Variants in MYOM1 observed in about 807,000 individuals in gnomAD.
MYOM1 encodes myomesin-1.
Under a neutral mutation model 205.3 loss-of-function variants are expected in MYOM1, and 164 were observed. That is an observed-to-expected ratio of 0.80 (90% CI 0.70 to 0.91). The LOEUF is 0.91. MYOM1 is among the 40% of genes least tolerant of loss of function. The pLI, the probability that MYOM1 is intolerant of heterozygous loss-of-function variation, is 0.00. For missense variants in MYOM1, 2,011 were observed against 2,127.3 expected, an observed-to-expected ratio of 0.95 and a Z score of 1.08; for synonymous variants, 772 against 789.4, an observed-to-expected ratio of 0.98 and a Z score of 0.37.
chr18:3,131,306 G>T, intron 17 of MYOM1, 69 bp downstream of exon 17: 2 of 1,544,436 alleles, frequency 1.3e-6, no homozygotes, highest in African/African-American at 1.4e-5. Context: ...TTCTGGAGAG[G>T]ATGGTATCTT....
At chr18:3,075,516 G>C in intron 35 of MYOM1, 40 bp from the exon 36 acceptor site, 1 of 1,599,136 alleles carries the variant, frequency 6.3e-7, no homozygotes, top group South Asian at 1.1e-5. Flanking sequence ...GAAGAATTTT[G>C]TGTTAGTGTT....
intron 13 of MYOM1, among the ~76,000 whole-genome samples, chr18:3,148,759 T>C (rs936863187): frequency 4.2e-4 from 57 of 135,468 alleles, no homozygotes; most frequent in African/African-American, 1.6e-3. Context: ...GGCAGGAGAA[T>C]GGCGTGAACC....
chr18:3,197,836 G>T (rs554158176), intron 2 of MYOM1, among the ~76,000 whole-genome samples: 1 of 152,140 alleles, frequency 6.6e-6, no homozygotes, highest in East Asian at 1.9e-4. Flanking sequence ...TCGCACCACT[G>T]CACTCTGGCC....
chr18:3,221,400 T>C (rs1598784481), upstream of MYOM1, among the ~76,000 whole-genome samples: 1 of 152,210 alleles, frequency 6.6e-6, no homozygotes, highest in Non-Finnish European at 1.5e-5. Flanking sequence ...TTAACACTGT[T>C]GAGGACCTAT....
chr18:3,077,772 A>G (rs1318248935), intron 34 of MYOM1, among the ~76,000 whole-genome samples: 5 of 152,212 alleles, frequency 3.3e-5, no homozygotes, highest in Non-Finnish European at 7.3e-5. Context: ...TGTGTTTCAC[A>G]TTGTCAGATG....
Position 3,079,259 on chromosome 18 carries a change from G to T in MYOM1, c.4568C>A (p.Pro1523Gln), listed in dbSNP as rs761317710. 9 of 1,613,808 alleles carry T rather than the reference G, an allele frequency of 5.6e-6. No homozygotes were observed. Among genetic ancestry groups the T allele is most frequent in the Non-Finnish European group, 7.6e-6 (9 of 1,179,854 alleles). ...CATGACATACTTCCCTTTGTCATTC[G>T]GGGTGGGCTCGTTGATTTGTAGCCA... is the stretch of plus-strand genomic sequence containing the variant. ...QIWLQINEPTPNDKGKYVMEL... is the reference protein window; with the variant it reads ...QIWLQINEPTQNDKGKYVMEL... Residue 1523 changes from proline (P) to glutamine (Q), a missense_variant, in exon 34 of 38, where the codon CCG becomes CAG. Pro to Gln is a moderately conservative substitution (Grantham distance 76, BLOSUM62 -1). Coordinates refer to ENST00000356443, the MANE Select transcript of MYOM1 (RefSeq NM_003803.4).
Position 3,164,332 on chromosome 18 carries a change from GGATTGTATA to G in MYOM1, c.1438_1446del (p.Tyr480_Ile482del). The G allele has an allele frequency of 1.2e-6, 2 of 1,612,778 alleles. No homozygotes were observed. The highest frequency in any genetic ancestry group is 1.7e-6 in the Non-Finnish European group (2 of 1,179,342). On this transcript the variant is annotated inframe_deletion, in exon 10 of 38. Transcript: ENST00000356443. ...TCATAATATTCTCCCATCCGTACAC[GGATTGTATA>G]GAGGCCTTCATCTTCTTTGTTGAGA... is the stretch of plus-strand genomic sequence containing the variant.
At chr18:3,099,521 G>A (rs2143749880) in intron 25 of MYOM1, among the ~76,000 whole-genome samples, 1 of 152,274 alleles carries the variant, frequency 6.6e-6, no homozygotes, top group Non-Finnish European at 1.5e-5. Context: ...TGGCCAGTGG[G>A]TACTAATGGC....
the MYOM1 span, among the ~76,000 whole-genome samples, chr18:3,233,122 C>A: frequency 6.6e-6 from 1 of 152,054 alleles, no homozygotes; most frequent in African/African-American, 2.4e-5. Context: ...TTTTATTGTG[C>A]CTTTATATGT....
the MYOM1 span, chr18:3,246,260 C>A: frequency 6.6e-6 from 1 of 152,222 alleles, no homozygotes; most frequent in African/African-American, 2.4e-5. Flanking sequence ...CAGGAACAAA[C>A]GCATCCGCGC....
chr18:3,089,217 C>A lies in MYOM1; in HGVS notation c.4094G>T (p.Ser1365Ile). 2 of 1,611,804 alleles carry A rather than the reference C, an allele frequency of 1.2e-6. No individual in the cohort carries two copies. Among genetic ancestry groups the A allele is most frequent in the South Asian group, 2.2e-5 (2 of 90,862 alleles). ...KQGPHFVEYLSWEVTGECNVL... is the reference protein window; with the variant it reads ...KQGPHFVEYLIWEVTGECNVL... ...ATTACATTCACCAGTCACTTCCCAG[C>A]TCAAATACTCAACAAAGTGAGGACC... The change falls in exon 29 of 38, where the codon AGC becomes ATC. Residue 1365 changes from serine (S) to isoleucine (I), a missense_variant. Physicochemically the swap from Ser to Ile is moderately radical, Grantham distance 142 (BLOSUM62 -2). Coordinates refer to ENST00000356443, the MANE Select transcript of MYOM1 (RefSeq NM_003803.4).
chr18:3,116,145 T>C (rs1292187135), intron 21 of MYOM1, among the ~76,000 whole-genome samples, 186 bp downstream of exon 21: 14 of 152,130 alleles, frequency 9.2e-5, no homozygotes. Context: ...TCAGGTTAAA[T>C]ATAACCAAAC....
chr18:3,114,952 C>CT (rs1280485352), intron 21 of MYOM1, among the ~76,000 whole-genome samples: 125 of 149,314 alleles, frequency 8.4e-4, no homozygotes, highest in Middle Eastern at 7.0e-3. Context: ...TTAAACTCTA[C>CT]TTTTTTTTTT....
intron 13 of MYOM1, among the ~76,000 whole-genome samples, chr18:3,146,826 A>G (rs180808484): frequency 2.8e-4 from 43 of 151,986 alleles, no homozygotes; most frequent in African/African-American, 9.6e-4. Context: ...AAGTTAATTT[A>G]TCTTTACTTA....
intron 7 of MYOM1, 59 bp from the exon 8 acceptor site, chr18:3,174,059 A>G: frequency 6.2e-7 from 1 of 1,602,252 alleles, no homozygotes; most frequent in Admixed American, 1.7e-5. Context: ...TTTTAAAACC[A>G]TGGGAAGAAA....
chr18:3,131,919 A>AT (rs1336595578), intron 16 of MYOM1, among the ~76,000 whole-genome samples: 1 of 151,490 alleles, frequency 6.6e-6, no homozygotes, highest in Non-Finnish European at 1.5e-5. Context: ...TTACATGATA[A>AT]TTTTCATGTA....
At chr18:3,136,121 T>TATTC (rs2079958961) in intron 14 of MYOM1, among the ~76,000 whole-genome samples, 1 of 105,644 alleles carries the variant, frequency 9.5e-6, no homozygotes, top group South Asian at 3.1e-4. Flanking sequence ...TTGGCTCTCC[T>TATTC]TCTGTCTTGC....
intron 10 of MYOM1, among the ~76,000 whole-genome samples, chr18:3,156,707 G>A (rs1403815200): frequency 2.0e-5 from 3 of 151,778 alleles, no homozygotes; most frequent in Non-Finnish European, 2.9e-5. Context: ...CCGGGTTCAC[G>A]CCATTCTCCT....
intron 2 of MYOM1, among the ~76,000 whole-genome samples, chr18:3,206,051 AG>A (rs2081119973): frequency 6.6e-6 from 1 of 152,204 alleles, no homozygotes; most frequent in African/African-American, 2.4e-5. Context: ...GTAACCACAA[AG>A]GCCAGTGCAA....
Sources: gnomAD v4.1 joint callset for allele counts (sites outside exome capture counted in the v4.1 genomes callset) on GRCh38, gnomAD v4.1.1 for gene constraint, MANE v1.5 for transcripts, NCBI Gene and HGNC (gene_info 2026-07-23, HGNC 2026-07-21) for gene names.